EPHA5: variants seen among roughly 807,000 people sequenced by gnomAD.
The protein encoded by EPHA5 is ephrin type-A receptor 5.
In EPHA5, 60 loss-of-function variants were observed where a neutral mutation model predicts 105.0. That is an observed-to-expected ratio of 0.57 (90% CI 0.46 to 0.71). The LOEUF is 0.71. Ranked by LOEUF, EPHA5 falls within the 30% of genes least tolerant of loss-of-function variation. The probability of loss-of-function intolerance (pLI) is 0.00; values close to 1 mark genes in which losing one functional copy is unlikely to be tolerated. For missense variants in EPHA5, 1,218 were observed against 1,274.7 expected, an observed-to-expected ratio of 0.96 and a Z score of 0.68; for synonymous variants, 513 against 449.1, an observed-to-expected ratio of 1.14 and a Z score of -1.80.
intron 5 of EPHA5, among the ~76,000 whole-genome samples, chr4:65,459,874 T>C (rs1232671757): frequency 6.6e-6 from 1 of 151,752 alleles, no homozygotes; most frequent in Non-Finnish European, 1.5e-5. Flanking sequence ...GAAAAGCTAA[T>C]GAAAAATATT....
intron 3 of EPHA5, among the ~76,000 whole-genome samples, chr4:65,571,999 C>T (rs550394937): frequency 6.6e-6 from 1 of 152,064 alleles, no homozygotes; most frequent in Non-Finnish European, 1.5e-5. Flanking sequence ...AACTCCCTTC[C>T]TAATTATTTT....
In EPHA5 at chr4:65,669,954, G is replaced by T; in HGVS notation, c.-212C>A. 1.5e-6 allele frequency: 1 copy of T among 658,198 alleles called. No homozygotes were observed. The highest frequency in any genetic ancestry group is 2.2e-6 in the Non-Finnish European group (1 of 464,660). 40.8% of individuals were successfully genotyped at this position (658,198 alleles called of 1,614,324 possible). Reference sequence around the variant, plus strand: ...GCTCCTCTCGCCTCCCCCTTTGGTGGGGTTAAATGAAATATTAGTTCTGGT... The same window carrying T: ...GCTCCTCTCGCCTCCCCCTTTGGTGTGGTTAAATGAAATATTAGTTCTGGT... On this transcript the variant is annotated 5_prime_UTR_variant, in exon 1 of 17. Coordinates refer to ENST00000613740, the MANE Select transcript of EPHA5 (RefSeq NM_001281766.3).
chr4:65,635,754 C>T (rs941504668), intron 2 of EPHA5, among the ~76,000 whole-genome samples: 3 of 152,116 alleles, frequency 2.0e-5, no homozygotes, highest in Non-Finnish European at 2.9e-5. Context: ...AAGGCTTAGA[C>T]TATATAAATT....
At chr4:65,332,503 G>T (rs1720721785) in intron 15 of EPHA5, among the ~76,000 whole-genome samples, 1 of 150,840 alleles carries the variant, frequency 6.6e-6, no homozygotes, top group Admixed American at 6.6e-5. Context: ...TCTGTAAAAT[G>T]TACACAACCA....
In EPHA5 at chr4:65,656,263, A is replaced by G. The variant is rs78493753; in HGVS notation, c.182-12836T>C. Among the ~76,000 whole-genome samples the G allele has an allele frequency of 5.9e-5, 9 of 151,786 alleles. No homozygotes were observed. In the East Asian group the frequency reaches 1.2e-3, roughly 20 times the overall value. On this transcript the variant is annotated intron_variant, in intron 1 of 16. Coordinates refer to ENST00000613740, the MANE Select transcript of EPHA5 (RefSeq NM_001281766.3). ...AAAAATATTATTCATGGCATCCTTC[A>G]AACAAAAACACCACTGGGGTTCTCT...
chr4:65,628,937 G>A (rs1746390314), intron 2 of EPHA5, among the ~76,000 whole-genome samples: 1 of 152,030 alleles, frequency 6.6e-6, no homozygotes, highest in Admixed American at 6.5e-5. Context: ...ATACTGTAGA[G>A]TAGAACATAT....
intron 3 of EPHA5, among the ~76,000 whole-genome samples, chr4:65,496,948 C>T (rs373192481): frequency 1.1e-4 from 17 of 152,094 alleles, no homozygotes; most frequent in East Asian, 5.8e-4. Context: ...CAGGTAAATG[C>T]GCATGAAGTA....
chr4:65,337,167 C>A (rs190555072), intron 14 of EPHA5, among the ~76,000 whole-genome samples: 23 of 151,944 alleles, frequency 1.5e-4, no homozygotes, highest in African/African-American at 5.3e-4. Context: ...ATATAATGAT[C>A]AAATCAGGGC....
chr4:65,599,669 G>T (rs1743522262), intron 3 of EPHA5, among the ~76,000 whole-genome samples: 1 of 152,106 alleles, frequency 6.6e-6, no homozygotes, highest in Non-Finnish European at 1.5e-5. Context: ...CTACTACCAA[G>T]GGAGGAAGAT....
chr4:65,654,821 T>G (rs1275394168), intron 1 of EPHA5, among the ~76,000 whole-genome samples: 2 of 147,284 alleles, frequency 1.4e-5, no homozygotes, highest in East Asian at 3.9e-4. Context: ...AGGATATAAC[T>G]ATCTAAACTA....
chr4:65,605,735 A>G (rs536980643), intron 2 of EPHA5, among the ~76,000 whole-genome samples: 125 of 152,260 alleles, frequency 8.2e-4, no homozygotes, highest in South Asian at 2.3e-3. Context: ...ATGGCACTGT[A>G]TGGGTCTTGT....
intron 3 of EPHA5, among the ~76,000 whole-genome samples, chr4:65,557,250 A>ATATATATATATATATATG (rs1738547265): frequency 6.9e-6 from 1 of 144,824 alleles, no homozygotes; most frequent in African/African-American, 2.5e-5. Flanking sequence ...ATATATATAT[A>ATATATATATATATATATG]TATATATATT....
At chr4:65,607,386 G>T (rs539835198) in intron 2 of EPHA5, among the ~76,000 whole-genome samples, 45 of 152,048 alleles carry the variant, frequency 3.0e-4, no homozygotes, top group African/African-American at 1.0e-3. Flanking sequence ...GAGTGAACAG[G>T]CAACCTACAG....
chr4:65,502,737 T>C (rs1370727105), intron 3 of EPHA5, among the ~76,000 whole-genome samples: 1 of 151,852 alleles, frequency 6.6e-6, no homozygotes, highest in Non-Finnish European at 1.5e-5. Flanking sequence ...CCAGTGATTC[T>C]ATTACTGGGT....
intron 5 of EPHA5, among the ~76,000 whole-genome samples, chr4:65,477,965 C>A (rs1729991460): frequency 6.6e-6 from 1 of 152,030 alleles, no homozygotes; most frequent in Non-Finnish European, 1.5e-5. Flanking sequence ...AGTCATTGAA[C>A]AAAATATGAA....
At chr4:65,611,929 A>G (rs540973240) in intron 2 of EPHA5, among the ~76,000 whole-genome samples, 1 of 142,570 alleles carries the variant, frequency 7.0e-6, no homozygotes, top group South Asian at 2.4e-4. Flanking sequence ...ATCCAGGAGG[A>G]TGGCGTGAAC....
chr4:65,372,048 A>G (rs1481374017), intron 8 of EPHA5, among the ~76,000 whole-genome samples: 1 of 151,964 alleles, frequency 6.6e-6, no homozygotes, highest in Admixed American at 6.6e-5. Flanking sequence ...GAAAAAATAA[A>G]CACTCTTAAT....
chr4:65,521,739 A>G (rs1303866218), intron 3 of EPHA5, among the ~76,000 whole-genome samples: 1 of 152,044 alleles, frequency 6.6e-6, no homozygotes, highest in Admixed American at 6.6e-5. Context: ...AGTGTTGCTG[A>G]AATATGCCCA....
At chr4:65,499,088 T>C (rs1219050886) in intron 3 of EPHA5, among the ~76,000 whole-genome samples, 1 of 151,492 alleles carries the variant, frequency 6.6e-6, no homozygotes, top group East Asian at 1.9e-4. Flanking sequence ...TTCAAGCTCC[T>C]TATGAGCTCT....
Sources: allele counts gnomAD v4.1 joint callset (sites outside exome capture counted in the v4.1 genomes callset), GRCh38; gene constraint gnomAD v4.1.1; transcripts MANE v1.5; gene names NCBI Gene and HGNC (gene_info 2026-07-23, HGNC 2026-07-21).